NCALD: variants seen among roughly 807,000 people sequenced by gnomAD.
NCALD encodes neurocalcin-delta.
A neutral mutation model predicts 18.6 loss-of-function variants in NCALD; 10 were observed. The observed-to-expected ratio is 0.54, with a 90% CI of 0.33 to 0.91. The LOEUF is 0.91. Among genes scored for constraint, NCALD ranks in the 40% least tolerant of loss-of-function variants. NCALD has a pLI of 0.03. For synonymous variants in NCALD, 88 were observed against 87.4 expected, an observed-to-expected ratio of 1.01 and a Z score of -0.04; for missense variants, 184 against 247.6, an observed-to-expected ratio of 0.74 and a Z score of 1.72.
At chr8:102,085,709 G>A (rs190202507) in intron 1 of NCALD, among the ~76,000 whole-genome samples, 7 of 151,250 alleles carry the variant, frequency 4.6e-5, no homozygotes, top group East Asian at 3.9e-4. Context: ...CTGAGATTGC[G>A]CCACTGTGCA....
At chr8:101,901,268 T>C (rs890341078) in intron 3 of NCALD, among the ~76,000 whole-genome samples, 1 of 151,804 alleles carries the variant, frequency 6.6e-6, no homozygotes, top group African/African-American at 2.4e-5. Context: ...AAACAGCATA[T>C]AGTTGGGGTT....
chr8:102,029,954 T>C (rs1822609768), intron 1 of NCALD, among the ~76,000 whole-genome samples: 1 of 152,180 alleles, frequency 6.6e-6, no homozygotes, highest in Admixed American at 6.5e-5. Context: ...AAAGGCGGGT[T>C]TTCAACTATT....
chr8:101,812,272 C>T (rs1405826510), intron 4 of NCALD, among the ~76,000 whole-genome samples: 1 of 151,728 alleles, frequency 6.6e-6, no homozygotes, highest in Non-Finnish European at 1.5e-5. Flanking sequence ...ATGAATCAAG[C>T]TCATCACCAA....
intron 1 of NCALD, among the ~76,000 whole-genome samples, chr8:102,087,000 G>A (rs1824759444): frequency 6.6e-6 from 1 of 152,178 alleles, no homozygotes. Context: ...TCTACAAAGG[G>A]GGAGATATGA....
intron 4 of NCALD, among the ~76,000 whole-genome samples, chr8:101,825,163 T>C (rs769613270): frequency 1.1e-4 from 16 of 152,212 alleles, no homozygotes; most frequent in Non-Finnish European, 1.5e-4. Context: ...ATGGCAATCA[T>C]AGGACAACTT....
At chr8:101,958,044 T>C (rs571090222) in intron 2 of NCALD, among the ~76,000 whole-genome samples, 5 of 152,204 alleles carry the variant, frequency 3.3e-5, no homozygotes, top group South Asian at 2.1e-4. Flanking sequence ...GTTCAAACTC[T>C]GATGGTATGA....
rs1472360684 is a variant in NCALD at position 101,893,617 on chromosome 8, C to T, written c.-106-6390G>A. Among the ~76,000 whole-genome samples the T allele has an allele frequency of 6.2e-3, 665 of 106,458 alleles. 6 individuals carry two copies. Among genetic ancestry groups the T allele is most frequent in the South Asian group, 0.017 (50 of 2,962 alleles). 69.8% of individuals were successfully genotyped at this position (106,458 alleles called of 152,430 possible). A position where few individuals can be genotyped will look rare whatever the true frequency, so the allele number is the denominator to read the frequency against. ...CATCAGTGTGCTGTATTCAGGAAAC[C>T]CATCTCACGTGCAGAGACACACATA... On this transcript the variant is annotated intron_variant, in intron 3 of 6. Transcript: ENST00000311028.
chr8:101,949,225 G>C (rs184685832), intron 2 of NCALD, among the ~76,000 whole-genome samples: 1 of 152,160 alleles, frequency 6.6e-6, no homozygotes, highest in Non-Finnish European at 1.5e-5. Context: ...AATCCTGTGA[G>C]GAAAGAGAGC....
chr8:101,902,274 T>G (rs1817458087), intron 3 of NCALD, among the ~76,000 whole-genome samples: 2 of 1,322 alleles, frequency 1.5e-3, no homozygotes, highest in South Asian at 0.048. Context: ...TCCACTGAGT[T>G]TTTTTTTTTT....
chr8:101,798,685 A>T (rs1163807316), intron 4 of NCALD, among the ~76,000 whole-genome samples: 3 of 152,250 alleles, frequency 2.0e-5, no homozygotes. Context: ...AAAAGAAAGG[A>T]AATAAATAGC....
At chr8:101,955,807 A>G (rs1228262025) in intron 2 of NCALD, among the ~76,000 whole-genome samples, 3 of 152,332 alleles carry the variant, frequency 2.0e-5, no homozygotes, top group South Asian at 4.1e-4. Context: ...CAAAATTTAT[A>G]TATAGACTGT....
intron 2 of NCALD, among the ~76,000 whole-genome samples, chr8:101,713,880 G>A (rs1298601633): frequency 1.3e-5 from 2 of 152,218 alleles, no homozygotes; most frequent in East Asian, 3.9e-4. Flanking sequence ...CATTCCTTCT[G>A]AAACTATTCC....
intron 1 of NCALD, among the ~76,000 whole-genome samples, chr8:101,776,381 A>G (rs915951389): frequency 6.6e-6 from 1 of 152,218 alleles, no homozygotes; most frequent in African/African-American, 2.4e-5. Context: ...TGTGAATAGA[A>G]TAACACATCT....
intron 2 of NCALD, among the ~76,000 whole-genome samples, chr8:101,944,039 G>T (rs1306705365): frequency 2.0e-5 from 3 of 152,144 alleles, no homozygotes; most frequent in African/African-American, 7.2e-5. Flanking sequence ...GTAAGCATTA[G>T]CTAGTCCCTT....
At chr8:101,872,102 T>A (rs1242234088) in intron 4 of NCALD, 1 of 1,592,434 alleles carries the variant, frequency 6.3e-7, no homozygotes. Context: ...GTGGTTGAAT[T>A]GGCTTTGATA....
At chr8:102,071,322 C>T (rs1488578352) in intron 1 of NCALD, among the ~76,000 whole-genome samples, 2 of 152,150 alleles carry the variant, frequency 1.3e-5, no homozygotes, top group African/African-American at 2.4e-5. Context: ...TATTGGTTCA[C>T]TGATCATATA....
intron 2 of NCALD, among the ~76,000 whole-genome samples, chr8:102,005,558 C>T (rs1182511023): frequency 2.0e-5 from 3 of 152,124 alleles, no homozygotes; most frequent in Admixed American, 2.0e-4. Context: ...AATCATGCTG[C>T]TATAAAGACA....
chr8:102,091,705 T>G (rs1022487028), intron 1 of NCALD, among the ~76,000 whole-genome samples: 3 of 152,252 alleles, frequency 2.0e-5, no homozygotes, highest in Admixed American at 6.5e-5. Context: ...GAATGTTTTC[T>G]TAAATCGAAC....
At chr8:101,905,800 A>T (rs1817593278) in intron 3 of NCALD, among the ~76,000 whole-genome samples, 1 of 152,172 alleles carries the variant, frequency 6.6e-6, no homozygotes, top group East Asian at 1.9e-4. Flanking sequence ...TATGCACCCC[A>T]AATTCAAGGA....
Sources: allele counts gnomAD v4.1 joint callset (sites outside exome capture counted in the v4.1 genomes callset), GRCh38; gene constraint gnomAD v4.1.1; transcripts MANE v1.5; gene names NCBI Gene and HGNC (gene_info 2026-07-23, HGNC 2026-07-21).